Variants in SPOCK1 observed in about 807,000 individuals in gnomAD.
SPOCK1 encodes the protein testican-1.
In SPOCK1, 23 loss-of-function variants were observed where a neutral mutation model predicts 55.3. The observed-to-expected ratio is 0.42, with a 90% CI of 0.30 to 0.59. The LOEUF (loss-of-function observed/expected upper bound fraction) is 0.59. Among genes scored for constraint, SPOCK1 ranks in the 20% least tolerant of loss-of-function variants. The probability of loss-of-function intolerance (pLI) is 0.22; values close to 1 mark genes in which losing one functional copy is unlikely to be tolerated. For synonymous variants in SPOCK1, 226 were observed against 221.0 expected (o/e 1.02, Z -0.20); for missense variants, 499 against 552.5 (o/e 0.90, Z 0.97).
chr5:137,468,190 T>G (rs1267273899), intron 2 of SPOCK1, among the ~76,000 whole-genome samples: 1 of 152,204 alleles, frequency 6.6e-6, no homozygotes, highest in Non-Finnish European at 1.5e-5. Context: ...ACTCAATCAA[T>G]TTTTACATGA....
At chr5:137,010,941 C>T (rs1751336786) in intron 6 of SPOCK1, among the ~76,000 whole-genome samples, 1 of 152,142 alleles carries the variant, frequency 6.6e-6, no homozygotes, top group Non-Finnish European at 1.5e-5. Flanking sequence ...GATGCTAGAA[C>T]GATTGTACAC....
At chr5:137,418,762 T>G (rs1458122884) in intron 2 of SPOCK1, among the ~76,000 whole-genome samples, 1 of 152,208 alleles carries the variant, frequency 6.6e-6, no homozygotes, top group Non-Finnish European at 1.5e-5. Flanking sequence ...GCCTGTTCAC[T>G]CTGATGGTAG....
intron 4 of SPOCK1, among the ~76,000 whole-genome samples, chr5:137,138,817 G>C (rs1754041039): frequency 6.6e-6 from 1 of 151,864 alleles, no homozygotes; most frequent in African/African-American, 2.4e-5. Context: ...TAGTGCCTAA[G>C]GCCTCAATAC....
At chr5:137,360,630 G>C (rs1750921009) in intron 2 of SPOCK1, among the ~76,000 whole-genome samples, 1 of 152,216 alleles carries the variant, frequency 6.6e-6, no homozygotes, top group Non-Finnish European at 1.5e-5. Context: ...TAGGAAGATA[G>C]TCTTGATAAT....
chr5:136,982,746 T>C (rs1363034391), intron 9 of SPOCK1, among the ~76,000 whole-genome samples: 1 of 152,208 alleles, frequency 6.6e-6, no homozygotes, highest in African/African-American at 2.4e-5. Flanking sequence ...CATTTCTTTT[T>C]CATTATTGCA....
chr5:137,313,585 A>T (rs1757823987), intron 2 of SPOCK1: 2 of 609,136 alleles, frequency 3.3e-6, no homozygotes, highest in Admixed American at 1.3e-4. Flanking sequence ...ACCTGACCCC[A>T]TTCTTCTAAG....
intron 3 of SPOCK1, among the ~76,000 whole-genome samples, chr5:137,159,550 C>A (rs1442796839): frequency 5.4e-5 from 8 of 147,314 alleles, no homozygotes; most frequent in Non-Finnish European, 9.0e-5. Context: ...CTTTTGCATA[C>A]CCATAGCTTA....
chr5:137,288,508 A>C (rs1031171859), intron 2 of SPOCK1, among the ~76,000 whole-genome samples: 2 of 152,182 alleles, frequency 1.3e-5, no homozygotes, highest in African/African-American at 2.4e-5. Flanking sequence ...ACTTGTGAAC[A>C]ATTGGCCAGT....
chr5:137,419,318 T>C (rs1398529706), intron 2 of SPOCK1, among the ~76,000 whole-genome samples: 1 of 152,168 alleles, frequency 6.6e-6, no homozygotes, highest in Non-Finnish European at 1.5e-5. Flanking sequence ...TTTAAAGTAG[T>C]TTTTTCCAAT....
intron 3 of SPOCK1, among the ~76,000 whole-genome samples, chr5:137,167,085 A>G (rs770022700): frequency 3.3e-5 from 5 of 152,096 alleles, no homozygotes; most frequent in Non-Finnish European, 7.4e-5. Context: ...CACTTCACCT[A>G]TAAAGACACA....
rs564582824 is a variant in SPOCK1, at chr5:137,347,042, C to T, written c.187-79987G>A. Among the ~76,000 whole-genome samples the T allele has an allele frequency of 3.3e-5, 5 of 152,278 alleles. No homozygotes were observed. In the South Asian group the frequency reaches 1.0e-3, roughly 32 times the overall value. On this transcript the variant is annotated intron_variant, in intron 2 of 10. Coordinates refer to ENST00000394945, the MANE Select transcript of SPOCK1 (RefSeq NM_004598.4). ...TCCTAAACATGTCTCAAAGGCACCA[C>T]TTACCTCCCCTGCAGCGTCATTACC...
At chr5:137,336,342 T>A (rs1750279263) in intron 2 of SPOCK1, among the ~76,000 whole-genome samples, 1 of 152,128 alleles carries the variant, frequency 6.6e-6, no homozygotes, top group African/African-American at 2.4e-5. Context: ...GAACCCACCA[T>A]CCCCTTTCAG....
intron 6 of SPOCK1, among the ~76,000 whole-genome samples, chr5:137,029,633 A>G (rs1751739821): frequency 6.6e-6 from 1 of 152,198 alleles, no homozygotes. Flanking sequence ...TTTGGCAAGG[A>G]AGCCAGAGAT....
chr5:137,159,322 G>C (rs1754482138), intron 3 of SPOCK1, among the ~76,000 whole-genome samples: 1 of 152,154 alleles, frequency 6.6e-6, no homozygotes, highest in Non-Finnish European at 1.5e-5. Context: ...CCTTAGAGTT[G>C]ACAATGTCAA....
chr5:137,353,564 A>G (rs983676020), intron 2 of SPOCK1, among the ~76,000 whole-genome samples: 1 of 152,174 alleles, frequency 6.6e-6, no homozygotes, highest in Non-Finnish European at 1.5e-5. Context: ...CTCTGCTCAG[A>G]TAACAGAGAC....
intron 2 of SPOCK1, among the ~76,000 whole-genome samples, chr5:137,354,387 T>C (rs886898843): frequency 3.9e-5 from 6 of 152,140 alleles, no homozygotes; most frequent in African/African-American, 1.4e-4. Context: ...CCACTGAGGC[T>C]TCTCCAAGAC....
chr5:137,187,606 T>C (rs780442817), intron 3 of SPOCK1, among the ~76,000 whole-genome samples: 4 of 152,126 alleles, frequency 2.6e-5, no homozygotes, highest in African/African-American at 4.8e-5. Flanking sequence ...CTGTAACTCA[T>C]ACATGTATGG....
intron 2 of SPOCK1, among the ~76,000 whole-genome samples, chr5:137,326,293 A>AT (rs397827239): frequency 2.0e-5 from 3 of 151,860 alleles, no homozygotes; most frequent in South Asian, 2.1e-4. Flanking sequence ...AAAAAAAAAA[A>AT]TCTAGATCCT....
chr5:136,999,965 C>T (rs1197069762), intron 6 of SPOCK1, among the ~76,000 whole-genome samples: 1 of 152,182 alleles, frequency 6.6e-6, no homozygotes, highest in African/African-American at 2.4e-5. Context: ...AAAAATAACC[C>T]TACCCTACTC....
Sources: allele counts gnomAD v4.1 joint callset (sites outside exome capture counted in the v4.1 genomes callset), GRCh38; gene constraint gnomAD v4.1.1; transcripts MANE v1.5; gene names NCBI Gene and HGNC (gene_info 2026-07-23, HGNC 2026-07-21).